The following MEST variants were observed in gnomAD, a reference collection of about 807,000 sequenced individuals.
The protein encoded by MEST is mesoderm-specific transcript homolog protein.
Under a neutral mutation model 50.9 loss-of-function variants are expected in MEST, and 18 were observed. The observed-to-expected ratio is 0.35, with a 90% confidence interval of 0.24 to 0.52. The LOEUF is 0.52. MEST is among the 20% of genes least tolerant of loss of function. The pLI, the probability that MEST is intolerant of heterozygous loss-of-function variation, is 0.94. For missense variants in MEST, 282 were observed against 425.3 expected (o/e 0.66, Z 2.96); for synonymous variants, 130 against 154.1 (o/e 0.84, Z 1.16).
intron 1 of MEST, among the ~76,000 whole-genome samples, chr7:130,493,494 C>T (rs1169612491): frequency 6.6e-6 from 1 of 152,134 alleles, no homozygotes; most frequent in Non-Finnish European, 1.5e-5. Context: ...TTCATGGGGG[C>T]ATTTTTACTG....
rs1264100722 is a variant in MEST, at chr7:130,492,658, C to G, written c.26+319C>G. On this transcript the variant is annotated intron_variant, in intron 1 of 11. Coordinates refer to ENST00000223215, the MANE Select transcript of MEST (RefSeq NM_002402.4). The surrounding 1 kb of genome is among the most constrained non-coding windows in gnomAD (Gnocchi z 7.6). ...GATCCATAATGACCCTGGTCTCACC[C>G]TGATGCGAATTGGGATTTTTAGATC... The G allele has an allele frequency of 1.0e-5, 3 of 294,790 alleles. No individual in the cohort carries two copies. Among genetic ancestry groups the G allele is most frequent in the African/African-American group, 6.5e-5 (3 of 45,984 alleles). The allele number at this position is 294,790 out of a possible 1,614,324, so 18.3% of individuals were successfully genotyped here. A position where few individuals can be genotyped will look rare whatever the true frequency, so the allele number is the denominator to read the frequency against.
intron 2 of MEST, chr7:130,496,120 C>T (rs369049435): frequency 1.7e-4 from 80 of 470,048 alleles, no homozygotes; most frequent in African/African-American, 1.5e-3. Context: ...TTGTTTTGAG[C>T]GGGGGTCAAG....
At chr7:130,488,473 A>G (rs1188697834), upstream of MEST, 1 of 152,244 alleles carries the variant, frequency 6.6e-6, no homozygotes, top group Non-Finnish European at 1.5e-5. Context: ...AAACATGCCC[A>G]TCTATTTCAA....
chr7:130,504,146 G>A (rs563888899), intron 11 of MEST, 150 bp downstream of exon 11: 23 of 620,784 alleles, frequency 3.7e-5, no homozygotes, highest in Non-Finnish European at 6.1e-5. Context: ...TTGAGTTGAG[G>A]AATCTTATTC....
rs1030604825 is a variant in MEST at position 130,493,903 on chromosome 7, A to G, written c.27-1465A>G. 5.3e-5 allele frequency among the ~76,000 whole-genome samples: 8 copies of G among 152,284 alleles called. No homozygotes were observed. In the South Asian group the frequency reaches 1.2e-3, roughly 24 times the overall value. On this transcript the variant is annotated intron_variant, in intron 1 of 11. Coordinates refer to ENST00000223215, the MANE Select transcript of MEST (RefSeq NM_002402.4). ...AGGAGATACTGGGATACAGCCTGCT[A>G]TTGTTGGGTGAAAACTGTGATATAA...
chr7:130,501,261 C>T (rs1799268594), intron 9 of MEST, among the ~76,000 whole-genome samples: 1 of 152,144 alleles, frequency 6.6e-6, no homozygotes, highest in African/African-American at 2.4e-5. Flanking sequence ...AATGTAGACA[C>T]TTTCACAAGG....
In MEST at chr7:130,497,593, C is replaced by A; in HGVS notation, c.262-343C>A. On this transcript the variant is annotated intron_variant, in intron 3 of 11. Transcript: ENST00000223215. The surrounding 1 kb of genome is among the most constrained non-coding windows in gnomAD (Gnocchi z 4.0). ...TTTTTTTAATAAAAATTTAAAAAACCTCAAGGATTTTGTTGTCAGCACCAG... is the reference window on the plus strand; with the variant it reads ...TTTTTTTAATAAAAATTTAAAAAACATCAAGGATTTTGTTGTCAGCACCAG... The A allele has an allele frequency of 7.8e-6, 2 of 256,710 alleles. No homozygotes were observed. Among genetic ancestry groups the A allele is most frequent in the Admixed American group, 5.0e-5 (1 of 20,012 alleles). The allele number at this position is 256,710 out of a possible 1,614,324, so 15.9% of individuals were successfully genotyped here. A position where few individuals can be genotyped will look rare whatever the true frequency, so the allele number is the denominator to read the frequency against.
chr7:130,496,533 C>A (rs1799068415), intron 2 of MEST: 2 of 206,038 alleles, frequency 9.7e-6, no homozygotes, highest in Non-Finnish European at 1.9e-5. Context: ...TAAATGTTTA[C>A]CTAATTTAGA....
chr7:130,487,753 TCTC>T (rs1798667709), upstream of MEST: 1 of 152,230 alleles, frequency 6.6e-6, no homozygotes, highest in African/African-American at 2.4e-5. Flanking sequence ...CTCAAGCTAT[TCTC>T]CTGCCTCAGC....
chr7:130,492,266 GC>G lies in MEST; in HGVS notation c.-45del, dbSNP rs782798964. The G allele has an allele frequency of 7.5e-7, 1 of 1,333,862 alleles. No homozygotes were observed. Among genetic ancestry groups the G allele is most frequent in the South Asian group, 2.1e-5 (1 of 46,864 alleles). 82.6% of individuals were successfully genotyped at this position (1,333,862 alleles called of 1,614,324 possible). A position where few individuals can be genotyped will look rare whatever the true frequency, so the allele number is the denominator to read the frequency against. On this transcript the variant is annotated 5_prime_UTR_variant, in exon 1 of 12. Coordinates refer to ENST00000223215, the MANE Select transcript of MEST (RefSeq NM_002402.4). The surrounding 1 kb of genome is among the most constrained non-coding windows in gnomAD (Gnocchi z 7.6). ...TCTGCACGGCTGCGGGCTCTGCGGC[GC>G]CCGGTGCTCTGCAACGCTGCGGCGG...
Position 130,500,688 on chromosome 7 carries a change from C to A in MEST, c.648-101C>A. Reference sequence around the variant, plus strand: ...AGGAATTCATAAATCACTTATGGGTCAGACTGCATGGCCCAGACTGCATGG... The same window carrying A: ...AGGAATTCATAAATCACTTATGGGTAAGACTGCATGGCCCAGACTGCATGG... On this transcript the variant is annotated intron_variant, in intron 8 of 11. Coordinates refer to ENST00000223215, the MANE Select transcript of MEST (RefSeq NM_002402.4). This position sits in a 1 kb window ranked among gnomAD's most constrained non-coding sequence, Gnocchi z 5.0. The A allele has an allele frequency of 8.3e-7, 1 of 1,199,628 alleles. No homozygotes were observed. The highest frequency in any genetic ancestry group is 1.2e-6 in the Non-Finnish European group (1 of 840,514). The allele number at this position is 1,199,628 out of a possible 1,614,324, so 74.3% of individuals were successfully genotyped here. A position where few individuals can be genotyped will look rare whatever the true frequency, so the allele number is the denominator to read the frequency against.
intron 9 of MEST, among the ~76,000 whole-genome samples, chr7:130,502,194 T>G (rs1460737718): frequency 1.3e-5 from 2 of 152,140 alleles, no homozygotes; most frequent in Non-Finnish European, 2.9e-5. Flanking sequence ...GACTAGCCAC[T>G]GCACTCCAGC....
intron 1 of MEST, chr7:130,494,791 G>A (rs1378327369): frequency 2.0e-6 from 2 of 982,064 alleles, no homozygotes; most frequent in Non-Finnish European, 2.4e-6. Context: ...ACTAAATGGG[G>A]CTTCATTTAG....
At chr7:130,493,283 GTAT>G (rs1554435947) in intron 1 of MEST, 1 of 152,144 alleles carries the variant, frequency 6.6e-6, no homozygotes, top group African/African-American at 2.4e-5. Context: ...AGGTTGGGTG[GTAT>G]TATTACGGGA....
intron 9 of MEST, among the ~76,000 whole-genome samples, chr7:130,501,447 T>C (rs556413026): frequency 9.4e-4 from 143 of 152,378 alleles, no homozygotes; most frequent in African/African-American, 3.1e-3. Flanking sequence ...TATTTCATTT[T>C]AGTATTAAAA....
At chr7:130,498,506 GGGT>G (rs782194162) in intron 6 of MEST, 29 bp downstream of exon 6, 35 of 1,605,988 alleles carry the variant, frequency 2.2e-5, no homozygotes, top group Non-Finnish European at 3.0e-5. Context: ...GGTAGAAAGT[GGGT>G]GTAATCTAGA....
At chr7:130,490,403 T>G (rs1039835107), upstream of MEST, among the ~76,000 whole-genome samples, 1 of 152,222 alleles carries the variant, frequency 6.6e-6, no homozygotes, top group African/African-American at 2.4e-5. Context: ...GGAATGTTCT[T>G]TGTCTCTCTG....
Position 130,500,945 on chromosome 7 carries a change from G to A in MEST, c.749+55G>A. The A allele has an allele frequency of 6.8e-7, 1 of 1,469,382 alleles. No individual in the cohort carries two copies. Among genetic ancestry groups the A allele is most frequent in the Non-Finnish European group, 9.4e-7 (1 of 1,060,704 alleles). 91.0% of individuals were successfully genotyped at this position (1,469,382 alleles called of 1,614,324 possible). On this transcript the variant is annotated intron_variant, in intron 9 of 11. Transcript: ENST00000223215. This position sits in a 1 kb window ranked among gnomAD's most constrained non-coding sequence, Gnocchi z 5.0. Reference sequence around the variant, plus strand: ...AGAGACGTGTTTTTGTGGAGAGTGGGGATTGCTTGTTCTGTTCCTTGCTGG... The same window carrying A: ...AGAGACGTGTTTTTGTGGAGAGTGGAGATTGCTTGTTCTGTTCCTTGCTGG...
chr7:130,494,841 G>A (rs1554436385), intron 1 of MEST: 1 of 984,928 alleles, frequency 1.0e-6, no homozygotes, highest in Non-Finnish European at 1.2e-6. Flanking sequence ...TCTGCTTGAG[G>A]ACATGTGATA....
Sources: gnomAD v4.1 joint callset for allele counts (sites outside exome capture counted in the v4.1 genomes callset) on GRCh38, gnomAD v4.1.1 for gene constraint, Gnocchi (gnomAD v3.1) non-coding constraint, MANE v1.5 for transcripts, NCBI Gene and HGNC (gene_info 2026-07-23, HGNC 2026-07-21) for gene names.